Variants in PIK3CD observed in about 807,000 individuals in gnomAD.
PIK3CD encodes phosphatidylinositol 4,5-bisphosphate 3-kinase catalytic subunit delta isoform.
A neutral mutation model predicts 122.9 loss-of-function variants in PIK3CD; 20 were observed. The ratio of observed to expected loss-of-function variants is 0.16; its 90% CI spans 0.11 to 0.24. The LOEUF is 0.24. Among genes scored for constraint, PIK3CD ranks in the 10% least tolerant of loss-of-function variants. The probability of loss-of-function intolerance (pLI) is 1.00; values close to 1 mark genes in which losing one functional copy is unlikely to be tolerated. For synonymous variants in PIK3CD, 596 were observed against 593.4 expected (o/e 1.00, Z -0.06); for missense variants, 787 against 1,406.3 (o/e 0.56, Z 7.04).
At chr1:9,648,063 G>C (rs2100648957), upstream of PIK3CD, among the ~76,000 whole-genome samples, 1 of 152,284 alleles carries the variant, frequency 6.6e-6, no homozygotes, top group South Asian at 2.1e-4. Context: ...TGGTCTGTTG[G>C]ACCCGGTACA....
chr1:9,694,174 G>C (rs2100516567), intron 2 of PIK3CD, among the ~76,000 whole-genome samples: 1 of 152,302 alleles, frequency 6.6e-6, no homozygotes, highest in Admixed American at 6.5e-5. Context: ...ACTTCTGTCT[G>C]ACCAGACTGA....
rs147730682 is a variant in PIK3CD, at chr1:9,726,834, G to A, written c.2998-75G>A. ...AACCATTTCATTCAGTGACTCTGAA[G>A]TCCCCAGAGAGGGACGCATCCCAGA... is the stretch of plus-strand genomic sequence containing the variant. On this transcript the variant is annotated intron_variant, in intron 23 of 23. Transcript: ENST00000377346. 169 of 1,583,842 alleles carry A rather than the reference G, an allele frequency of 1.1e-4. No individual in the cohort carries two copies. The African/African-American group carries it at 2.1e-3, about 19-fold the overall frequency.
At chr1:9,692,400 A>G (rs1407808189) in intron 2 of PIK3CD, among the ~76,000 whole-genome samples, 1 of 152,172 alleles carries the variant, frequency 6.6e-6, no homozygotes, top group Non-Finnish European at 1.5e-5. Flanking sequence ...GTACTTTCCA[A>G]ACTTGTTTGA....
the PIK3CD span, among the ~76,000 whole-genome samples, chr1:9,628,871 C>T: frequency 6.6e-6 from 1 of 152,064 alleles, no homozygotes; most frequent in Non-Finnish European, 1.5e-5. Flanking sequence ...TAAGGGTGAT[C>T]CCGAGGACTC....
chr1:9,711,054 A>G (rs1647033188), intron 3 of PIK3CD, among the ~76,000 whole-genome samples: 1 of 151,848 alleles, frequency 6.6e-6, no homozygotes, highest in South Asian at 2.1e-4. Context: ...CAAAGTGCTG[A>G]GATTCCAGGC....
Position 9,718,625 on chromosome 1 carries a change from C to T in PIK3CD, c.1021-69C>T. On this transcript the variant is annotated intron_variant, in intron 8 of 23. Transcript: ENST00000377346. The surrounding 1 kb of genome is among the most constrained non-coding windows in gnomAD (Gnocchi z 7.2). ...TGAGGACATTCAAGGGGGAGACTGA[C>T]ACCTTAAGGGGGAGGGGAGAGGGGC... The T allele has an allele frequency of 7.1e-7, 1 of 1,407,312 alleles. No homozygotes were observed. Among genetic ancestry groups the T allele is most frequent in the Non-Finnish European group, 9.9e-7 (1 of 1,008,396 alleles). 87.2% of individuals were successfully genotyped at this position (1,407,312 alleles called of 1,614,324 possible). A position where few individuals can be genotyped will look rare whatever the true frequency, so the allele number is the denominator to read the frequency against.
intron 1 of PIK3CD, chr1:9,653,906 C>T (rs1030760415): frequency 7.3e-7 from 1 of 1,366,964 alleles, no homozygotes; most frequent in African/African-American, 1.5e-5. Flanking sequence ...TGGAGGAGTG[C>T]TCTTAAAACC....
intron 2 of PIK3CD, chr1:9,691,794 G>T: frequency 2.7e-6 from 1 of 365,850 alleles, no homozygotes. Context: ...GGAGAGAGAT[G>T]CTGCTGCCTG....
chr1:9,705,323 CAAA>C (rs563873650), intron 2 of PIK3CD, among the ~76,000 whole-genome samples: 56 of 57,568 alleles, frequency 9.7e-4, no homozygotes, highest in African/African-American at 3.1e-3. Flanking sequence ...TTAAAAATAC[CAAA>C]AAAAAAAAAA....
rs1358496034 is a variant in PIK3CD, at chr1:9,723,380, G to A, written c.2594+88G>A. 5 of 1,401,734 alleles carry A rather than the reference G, an allele frequency of 3.6e-6. No individual in the cohort carries two copies. Among genetic ancestry groups the A allele is most frequent in the Non-Finnish European group, 5.1e-6 (5 of 989,302 alleles). The allele number at this position is 1,401,734 out of a possible 1,614,324, so 86.8% of individuals were successfully genotyped here. ...TCGCCTGTCAGAACAAAGGAGCGGG[G>A]AGGGGCCTCAGACCATCTTTGTGGC... is the stretch of plus-strand genomic sequence containing the variant. On this transcript the variant is annotated intron_variant, in intron 20 of 23. Transcript: ENST00000377346. This position sits in a 1 kb window ranked among gnomAD's most constrained non-coding sequence, Gnocchi z 4.9.
intron 1 of PIK3CD, among the ~76,000 whole-genome samples, chr1:9,664,536 T>C (rs1645103420): frequency 6.6e-6 from 1 of 152,206 alleles, no homozygotes; most frequent in Non-Finnish European, 1.5e-5. Flanking sequence ...CCATCACTGC[T>C]GGGAAAACAG....
chr1:9,637,693 T>C, the PIK3CD span, among the ~76,000 whole-genome samples: 1 of 152,064 alleles, frequency 6.6e-6, no homozygotes, highest in Non-Finnish European at 1.5e-5. Context: ...GCCACATCAC[T>C]CTGTGGGAGA....
In PIK3CD at chr1:9,691,492, G is replaced by T; in HGVS notation, c.-112G>T. The T allele has an allele frequency of 2.5e-6, 1 of 398,590 alleles. No homozygotes were observed. The highest frequency in any genetic ancestry group is 1.3e-4 in the South Asian group (1 of 7,848). The allele number at this position is 398,590 out of a possible 1,614,324, so 24.7% of individuals were successfully genotyped here. A position where few individuals can be genotyped will look rare whatever the true frequency, so the allele number is the denominator to read the frequency against. On this transcript the variant is annotated 5_prime_UTR_variant, in exon 2 of 24. The change abolishes an upstream ATG in the 5' untranslated region. Transcript: ENST00000377346. ...ATAAGGAGTCAGGCCAGGGCGGGATGACACTCATTGATTCTAAAGCATCTT... is the reference window on the plus strand; with the variant it reads ...ATAAGGAGTCAGGCCAGGGCGGGATTACACTCATTGATTCTAAAGCATCTT...
At chr1:9,698,901 G>A (rs1646518754) in intron 2 of PIK3CD, among the ~76,000 whole-genome samples, 1 of 152,058 alleles carries the variant, frequency 6.6e-6, no homozygotes, top group Non-Finnish European at 1.5e-5. Context: ...AATCTTTGTT[G>A]CGGAGGCCAG....
the PIK3CD span, among the ~76,000 whole-genome samples, chr1:9,631,431 G>C: frequency 6.6e-6 from 1 of 152,266 alleles, no homozygotes; most frequent in Non-Finnish European, 1.5e-5. Flanking sequence ...AAGGCAGGCA[G>C]ATCACTTGAG....
At chr1:9,638,455 G>A in the PIK3CD span, among the ~76,000 whole-genome samples, 19 of 151,930 alleles carry the variant, frequency 1.3e-4, no homozygotes, top group Non-Finnish European at 2.4e-4. Context: ...CATCTAGGCC[G>A]GGAGCGGTGG....
At chr1:9,642,094 T>TTTTAA in the PIK3CD span, among the ~76,000 whole-genome samples, 29,435 of 151,226 alleles carry the variant, frequency 0.19, 3,327 homozygotes, top group African/African-American at 0.32. Flanking sequence ...CTGTTCTATT[T>TTTTAA]TTTAATTTAA....
At chr1:9,688,704 T>TGA (rs1646068459) in intron 1 of PIK3CD, among the ~76,000 whole-genome samples, 3 of 152,102 alleles carry the variant, frequency 2.0e-5, no homozygotes, top group Non-Finnish European at 4.4e-5. Flanking sequence ...GGTGCGCACT[T>TGA]GAGGTCTCAG....
At position 9,710,447 on chromosome 1, in the gene PIK3CD, C is replaced by G; in HGVS notation, c.-9C>G. ...AGGACAACTGTCATCTGGGAAGTAACAACGCAGGATGCCCCCTGGGGTGGA... is the reference window on the plus strand; with the variant it reads ...AGGACAACTGTCATCTGGGAAGTAAGAACGCAGGATGCCCCCTGGGGTGGA... On this transcript the variant is annotated 5_prime_UTR_variant, in exon 3 of 24. Coordinates refer to ENST00000377346, the MANE Select transcript of PIK3CD (RefSeq NM_005026.5). The surrounding 1 kb of genome is among the most constrained non-coding windows in gnomAD (Gnocchi z 4.7). 1.2e-6 allele frequency: 2 copies of G among 1,614,012 alleles called. No individual in the cohort carries two copies. The highest frequency in any genetic ancestry group is 1.7e-6 in the Non-Finnish European group (2 of 1,179,934).
Sources: gnomAD v4.1 joint callset for allele counts (sites outside exome capture counted in the v4.1 genomes callset) on GRCh38, gnomAD v4.1.1 for gene constraint, Gnocchi (gnomAD v3.1) non-coding constraint, MANE v1.5 for transcripts, NCBI Gene and HGNC (gene_info 2026-07-23, HGNC 2026-07-21) for gene names.